MADD: variants seen among roughly 807,000 people sequenced by gnomAD.
MADD encodes the protein MAP kinase-activating death domain protein.
Under a neutral mutation model 176.7 loss-of-function variants are expected in MADD, and 109 were observed. The observed-to-expected ratio is 0.62, with a 90% CI of 0.53 to 0.72. The LOEUF is 0.72. Ranked by LOEUF, MADD falls within the 30% of genes least tolerant of loss-of-function variation. The pLI, the probability that MADD is intolerant of heterozygous loss-of-function variation, is 0.00. For missense variants in MADD, 1,914 were observed against 2,045.5 expected (o/e 0.94, Z 1.24); for synonymous variants, 771 against 771.3 (o/e 1.00, Z 0.01).
intron 12 of MADD, 138 bp downstream of exon 12, chr11:47,284,703 T>C (rs1433552031): frequency 2.1e-5 from 27 of 1,295,126 alleles, no homozygotes; most frequent in Non-Finnish European, 2.8e-5. Context: ...CCCTAGAGCT[T>C]AGAGCCTAAG....
At chr11:47,285,945 C>A (rs567490537) in intron 14 of MADD, among the ~76,000 whole-genome samples, 1 of 152,192 alleles carries the variant, frequency 6.6e-6, no homozygotes, top group Non-Finnish European at 1.5e-5. Flanking sequence ...TGCCTCATAA[C>A]GGACTCTTCC....
At chr11:47,275,079 G>A in exon 3 of MADD, 1 of 1,614,252 alleles carries the variant, frequency 6.2e-7, no homozygotes, top group Admixed American at 1.7e-5. Context: ...GAGAGTGTTT[G>A]TATACTCTCA....
rs1017565155 is a variant in MADD, at chr11:47,279,679, G to A, written c.1290+600G>A. 2.6e-5 allele frequency among the ~76,000 whole-genome samples: 4 copies of A among 151,438 alleles called. No homozygotes were observed. The East Asian group carries it at 5.9e-4, about 22-fold the overall frequency. On this transcript the variant is annotated intron_variant, in intron 7 of 32. Transcript: ENST00000402192. ...CAGGCGTGAGCCACTGCGCCCGGCC[G>A]ATTTTCTCAGTCTTGTTAGGTGGAA...
At chr11:47,288,272 G>A (rs2062278052) in intron 15 of MADD, among the ~76,000 whole-genome samples, 1 of 152,200 alleles carries the variant, frequency 6.6e-6, no homozygotes, top group Non-Finnish European at 1.5e-5. Flanking sequence ...CTGGACGACA[G>A]AGTGAAACCC....
In MADD at chr11:47,285,597, G is replaced by T. The variant is rs766859155; in HGVS notation, c.2551+7G>T. ...GGCATCATGTCTTTTGCCAGTAAGT[G>T]CCTTCAGCTGTCTCTCTCACTCCTG... On this transcript the variant is annotated splice_region_variant and intron_variant, in intron 14 of 32. Coordinates refer to ENST00000402192, the Ensembl canonical transcript of MADD. 1.3e-5 allele frequency: 21 copies of T among 1,613,934 alleles called. No individual in the cohort carries two copies. Among genetic ancestry groups the T allele is most frequent in the Non-Finnish European group, 1.7e-5 (20 of 1,180,010 alleles).
chr11:47,303,041 A>G (rs1410237724), intron 22 of MADD, among the ~76,000 whole-genome samples: 1 of 150,930 alleles, frequency 6.6e-6, no homozygotes, highest in Non-Finnish European at 1.5e-5. Context: ...TTTTTTTTTC[A>G]TGTCTGGGAA....
chr11:47,307,258 G>A (rs774486885), intron 22 of MADD, among the ~76,000 whole-genome samples: 1 of 152,106 alleles, frequency 6.6e-6, no homozygotes, highest in Non-Finnish European at 1.5e-5. Context: ...ATTCCAGTGT[G>A]TTTTAATTCC....
intron 22 of MADD, 58 bp downstream of exon 24, chr11:47,296,113 C>T: frequency 6.4e-7 from 1 of 1,568,032 alleles, no homozygotes; most frequent in Non-Finnish European, 8.7e-7. Context: ...GGGAAGCAGG[C>T]AAGAAAAGAA....
chr11:47,300,232 A>C (rs1012530450), intron 22 of MADD, among the ~76,000 whole-genome samples: 1 of 120,516 alleles, frequency 8.3e-6, no homozygotes, highest in African/African-American at 3.3e-5. Context: ...TTTAAGACGG[A>C]GTCTTGCTCT....
At chr11:47,275,114 A>G in exon 3 of MADD, 1 of 1,614,062 alleles carries the variant, frequency 6.2e-7, no homozygotes, top group Non-Finnish European at 8.5e-7. Flanking sequence ...TGCTGTAGTG[A>G]GCGCCTTCTG....
At chr11:47,285,311 C>A (rs546557900) in intron 13 of MADD, 117 bp downstream of exon 13, 97 of 1,549,274 alleles carry the variant, frequency 6.3e-5, no homozygotes, top group Admixed American at 3.4e-4. Flanking sequence ...GTCCTGCCAT[C>A]CCCAGAGGAT....
intron 22 of MADD, among the ~76,000 whole-genome samples, chr11:47,300,264 T>C (rs2076635538): frequency 6.6e-6 from 1 of 150,874 alleles, no homozygotes; most frequent in Non-Finnish European, 1.5e-5. Flanking sequence ...TGGAGTGCAG[T>C]TGTGCGATCT....
At chr11:47,316,891 C>T (rs961098279) in intron 27 of MADD, among the ~76,000 whole-genome samples, 2 of 151,950 alleles carry the variant, frequency 1.3e-5, no homozygotes, top group African/African-American at 2.4e-5. Flanking sequence ...TTACAGTCGC[C>T]CACCACCATG....
In MADD at chr11:47,328,341, G is replaced by A. The variant is rs1214100212; in HGVS notation, c.4613-317G>A. ...CTCAGGGGCCCTGGACAGTAGCTGT[G>A]ACCAGGCTGGTGAAAGGCCCGTCCC... On this transcript the variant is annotated intron_variant, in intron 31 of 32. Coordinates refer to ENST00000402192, the Ensembl canonical transcript of MADD. 41 of 1,285,498 alleles carry A rather than the reference G, an allele frequency of 3.2e-5. 1 individual carries two copies. In the East Asian group the frequency reaches 1.5e-3, roughly 47 times the overall value. 79.6% of individuals were successfully genotyped at this position (1,285,498 alleles called of 1,614,324 possible).
In MADD at chr11:47,289,386, C is replaced by T; in HGVS notation, c.2654-5C>T. 1 of 1,611,104 alleles carries T rather than the reference C, an allele frequency of 6.2e-7. No individual in the cohort carries two copies. The highest frequency in any genetic ancestry group is 8.5e-7 in the Non-Finnish European group (1 of 1,177,204). On this transcript the variant is annotated splice_polypyrimidine_tract_variant and splice_region_variant and intron_variant, in intron 15 of 32. Coordinates refer to ENST00000402192, the Ensembl canonical transcript of MADD. Reference sequence around the variant, plus strand: ...TGTCTCTCATTCCTGCCTTCCCTGCCACAGGAAACAGGAGGGCGTTAGTGG... The same window carrying T: ...TGTCTCTCATTCCTGCCTTCCCTGCTACAGGAAACAGGAGGGCGTTAGTGG...
intron 7 of MADD, among the ~76,000 whole-genome samples, chr11:47,279,616 T>A (rs1314629195): frequency 6.6e-6 from 1 of 151,848 alleles, no homozygotes; most frequent in Non-Finnish European, 1.5e-5. Flanking sequence ...CCTGACCTCA[T>A]GATCCGCCTG....
intron 22 of MADD, among the ~76,000 whole-genome samples, chr11:47,304,130 A>G (rs1251503918): frequency 6.6e-6 from 1 of 152,010 alleles, no homozygotes; most frequent in Non-Finnish European, 1.5e-5. Flanking sequence ...TTTCCATTCT[A>G]ACTTTTTTCC....
At chr11:47,311,522 C>T (rs1039600503) in intron 25 of MADD, among the ~76,000 whole-genome samples, 4 of 152,210 alleles carry the variant, frequency 2.6e-5, no homozygotes, top group African/African-American at 9.7e-5. Flanking sequence ...CACTTTTCTG[C>T]AGAAGCTAAC....
chr11:47,290,525 C>A, intron 18 of MADD, 85 bp from the exon 20 acceptor site: 1 of 1,406,864 alleles, frequency 7.1e-7, no homozygotes, highest in Non-Finnish European at 9.8e-7. Context: ...TCCGCACCCT[C>A]CTGTATCCTG....
Sources: allele counts gnomAD v4.1 joint callset (sites outside exome capture counted in the v4.1 genomes callset), GRCh38; gene constraint gnomAD v4.1.1; transcripts MANE v1.5; gene names NCBI Gene and HGNC (gene_info 2026-07-23, HGNC 2026-07-21).